The following CD300C variants were observed in gnomAD, a reference collection of about 807,000 sequenced individuals.
The protein encoded by CD300C is CD300c molecule.
CD300C carries 11 observed loss-of-function variants against 18.4 expected under a neutral mutation model. The observed-to-expected ratio is 0.60, with a 90% CI of 0.38 to 0.99. The LOEUF (loss-of-function observed/expected upper bound fraction) is 0.99. CD300C is among the 50% of genes least tolerant of loss of function. CD300C has a pLI of 0.01. For synonymous variants in CD300C, 116 were observed against 116.3 expected (o/e 1.00, Z 0.02); for missense variants, 277 against 287.4 (o/e 0.96, Z 0.26).
In CD300C at chr17:74,545,852, G is replaced by T; in HGVS notation, c.-70C>A. 8.3e-7 allele frequency: 1 copy of T among 1,209,888 alleles called. No individual in the cohort carries two copies. The highest frequency in any genetic ancestry group is 1.2e-6 in the Non-Finnish European group (1 of 837,222). 74.9% of individuals were successfully genotyped at this position (1,209,888 alleles called of 1,614,324 possible). A position where few individuals can be genotyped will look rare whatever the true frequency, so the allele number is the denominator to read the frequency against. ...GGGGACAAAATGTAATCTCCTCCCA[G>T]CAGATCTGAGCTTCGCTTCTGCTTT... is the stretch of plus-strand genomic sequence containing the variant. On this transcript the variant is annotated 5_prime_UTR_variant, in exon 1 of 4. It adds an upstream start codon to the 5' untranslated region. Transcript: ENST00000330793.
chr17:74,538,755 G>A (rs1908453432), downstream of CD300C, among the ~76,000 whole-genome samples: 1 of 152,262 alleles, frequency 6.6e-6, no homozygotes, highest in South Asian at 2.1e-4. Context: ...CTCCTCTCCA[G>A]ATGGCATTTC....
downstream of CD300C, among the ~76,000 whole-genome samples, chr17:74,540,448 C>G (rs567251761): frequency 6.6e-6 from 1 of 152,140 alleles, no homozygotes; most frequent in African/African-American, 2.4e-5. Context: ...GTAAACAGAG[C>G]TCCTTGCCTG....
chr17:74,545,901 C>G lies in CD300C; in HGVS notation c.-119G>C. On this transcript the variant is annotated 5_prime_UTR_variant, in exon 1 of 4. Coordinates refer to ENST00000330793, the MANE Select transcript of CD300C (RefSeq NM_006678.5). The stretch of plus-strand genomic sequence containing the variant: ...TTTCTTCTGCTCTCTGCTTCCTTGT[C>G]CAGCCCTGTCTCAGGTCTGAGGCTG... 1.2e-6 allele frequency: 1 copy of G among 869,302 alleles called. No individual in the cohort carries two copies. Among genetic ancestry groups the G allele is most frequent in the East Asian group, 2.7e-5 (1 of 37,380 alleles). 53.8% of individuals were successfully genotyped at this position (869,302 alleles called of 1,614,324 possible).
chr17:74,542,013 C>T (rs1409403398), intron 3 of CD300C, among the ~76,000 whole-genome samples: 1 of 152,154 alleles, frequency 6.6e-6, no homozygotes, highest in Non-Finnish European at 1.5e-5. Flanking sequence ...ACGCAGCTGT[C>T]TACCTCTGTG....
In CD300C at chr17:74,541,737, CTG is replaced by C. The variant is rs1568006072; in HGVS notation, c.528-3_528-2del. The C allele has an allele frequency of 6.2e-7, 1 of 1,612,710 alleles. No individual in the cohort carries two copies. On this transcript the variant is annotated splice_acceptor_variant and splice_polypyrimidine_tract_variant and intron_variant, in intron 3 of 3. Transcript: ENST00000330793. LOFTEE classifies it high-confidence loss of function. ...GAAGCGGACATTGCTGAACAGGGAGCTGTGGGGACACGGTGACAGGCAGTGAG... is the reference window on the plus strand; with the variant it reads ...GAAGCGGACATTGCTGAACAGGGAGCTGGGGACACGGTGACAGGCAGTGAG...
At chr17:74,537,113 A>G (rs1457083635), downstream of CD300C, among the ~76,000 whole-genome samples, 1 of 151,930 alleles carries the variant, frequency 6.6e-6, no homozygotes, top group East Asian at 1.9e-4. Context: ...AAGAGTAGAA[A>G]GAGGAGAAAG....
chr17:74,540,475 C>T (rs1376186457), downstream of CD300C, among the ~76,000 whole-genome samples: 2 of 152,072 alleles, frequency 1.3e-5, no homozygotes, highest in Non-Finnish European at 2.9e-5. Context: ...CACGGCTGGA[C>T]TCCAATGCCA....
At chr17:74,542,772 A>C in intron 3 of CD300C, 89 bp downstream of exon 3, 1 of 1,434,268 alleles carries the variant, frequency 7.0e-7, no homozygotes, top group Non-Finnish European at 9.4e-7. Context: ...CAAAGAAGGG[A>C]CTGGAAGAAG....
chr17:74,541,324 C>T lies in CD300C; in HGVS notation c.*265G>A, dbSNP rs1349854647. 4.9e-6 allele frequency: 2 copies of T among 404,138 alleles called. No homozygotes were observed. Among genetic ancestry groups the T allele is most frequent in the South Asian group, 2.6e-5 (1 of 38,566 alleles). The allele number at this position is 404,138 out of a possible 1,614,324, so 25.0% of individuals were successfully genotyped here. ...AAATGGAAGGGTGCAGGGAGGGCAT[C>T]CGGGCACTCAGAGGTATTGCTGACG... is the stretch of plus-strand genomic sequence containing the variant. On this transcript the variant is annotated 3_prime_UTR_variant, in exon 4 of 4. Transcript: ENST00000330793.
At chr17:74,542,011 G>A (rs759593435) in intron 3 of CD300C, among the ~76,000 whole-genome samples, 11 of 152,170 alleles carry the variant, frequency 7.2e-5, no homozygotes, top group Admixed American at 1.3e-4. Context: ...GGACGCAGCT[G>A]TCTACCTCTG....
chr17:74,535,163 G>A, the CD300C span, among the ~76,000 whole-genome samples: 1 of 152,010 alleles, frequency 6.6e-6, no homozygotes, highest in Non-Finnish European at 1.5e-5. Context: ...ACTTGAAAAT[G>A]CAATAAAAGA....
chr17:74,542,514 G>C (rs959444422), intron 3 of CD300C, among the ~76,000 whole-genome samples: 3 of 152,164 alleles, frequency 2.0e-5, no homozygotes, highest in African/African-American at 7.2e-5. Context: ...CAGTGAAATA[G>C]CAACTCCAAC....
At chr17:74,544,468 C>T (rs998985007) in intron 2 of CD300C, 141 bp downstream of exon 2, 1 of 842,816 alleles carries the variant, frequency 1.2e-6, no homozygotes, top group Non-Finnish European at 1.8e-6. Flanking sequence ...CGCACTCACA[C>T]TCATCCACAC....
chr17:74,541,949 A>G (rs979609285), intron 3 of CD300C, among the ~76,000 whole-genome samples: 1 of 152,186 alleles, frequency 6.6e-6, no homozygotes, highest in Non-Finnish European at 1.5e-5. Flanking sequence ...GAAGGGCAGG[A>G]CCATGAGAGG....
chr17:74,545,328 G>A (rs1908721098), intron 1 of CD300C, among the ~76,000 whole-genome samples: 1 of 151,988 alleles, frequency 6.6e-6, no homozygotes, highest in East Asian at 1.9e-4. Context: ...ATGTGTGACT[G>A]TGTGCATGTG....
downstream of CD300C, among the ~76,000 whole-genome samples, chr17:74,539,876 G>T (rs965106595): frequency 2.6e-5 from 4 of 152,212 alleles, no homozygotes; most frequent in Non-Finnish European, 5.9e-5. Context: ...GTAGCTCATG[G>T]AGAACCAGGG....
At chr17:74,544,260 C>T (rs567842754) in intron 2 of CD300C, among the ~76,000 whole-genome samples, 3 of 152,176 alleles carry the variant, frequency 2.0e-5, no homozygotes, top group African/African-American at 7.2e-5. Context: ...AGCAAGGACC[C>T]CAGAGTCAGG....
chr17:74,536,532 CA>C (rs376317178), downstream of CD300C, among the ~76,000 whole-genome samples: 15,040 of 108,900 alleles, frequency 0.14, 581 homozygotes, highest in East Asian at 0.33. Flanking sequence ...GACTCCGTCT[CA>C]AAAAAAAAAA....
chr17:74,537,113 A>AGAGGAGAAAGGAGGGACAAGAG (rs1908403448), downstream of CD300C, among the ~76,000 whole-genome samples: 1 of 151,930 alleles, frequency 6.6e-6, no homozygotes, highest in Non-Finnish European at 1.5e-5. Context: ...AAGAGTAGAA[A>AGAGGAGAAAGGAGGGACAAGAG]GAGGAGAAAG....
Sources: gnomAD v4.1 joint callset for allele counts (sites outside exome capture counted in the v4.1 genomes callset) on GRCh38, gnomAD v4.1.1 for gene constraint, MANE v1.5 for transcripts, NCBI Gene and HGNC (gene_info 2026-07-23, HGNC 2026-07-21) for gene names.